Variants in COA7 observed in about 807,000 individuals in gnomAD.
COA7 encodes Sel1 repeat containing 1.
In COA7, 12 loss-of-function variants were observed where a neutral mutation model predicts 21.0. That is an observed-to-expected ratio of 0.57 (90% CI 0.37 to 0.92). The LOEUF (loss-of-function observed/expected upper bound fraction) is 0.92. Ranked by LOEUF, COA7 falls within the 40% of genes least tolerant of loss-of-function variation. The probability of loss-of-function intolerance (pLI) is 0.01; values close to 1 mark genes in which losing one functional copy is unlikely to be tolerated. For missense variants in COA7, 240 were observed against 286.1 expected (o/e 0.84, Z 1.16); for synonymous variants, 95 against 107.4 (o/e 0.88, Z 0.72).
At chr1:52,689,433 C>G (rs111981065) in intron 2 of COA7, among the ~76,000 whole-genome samples, 2,846 of 151,708 alleles carry the variant, frequency 0.019, 88 homozygotes, top group African/African-American at 0.066. Flanking sequence ...GGATTACAGG[C>G]GTGAGCCACT....
In COA7 at chr1:52,687,491, C is replaced by T; in HGVS notation, c.*229G>A. 1 of 545,562 alleles carries T rather than the reference C, an allele frequency of 1.8e-6. No individual in the cohort carries two copies. The allele number at this position is 545,562 out of a possible 1,614,324, so 33.8% of individuals were successfully genotyped here. ...GAACATCCAGATGAAGGAATATTGA[C>T]TGTAATAAACATTGTACAGAACACC... is the stretch of plus-strand genomic sequence containing the variant. On this transcript the variant is annotated 3_prime_UTR_variant, in exon 3 of 3. Transcript: ENST00000371538.
At chr1:52,692,578 T>A in intron 2 of COA7, 149 bp downstream of exon 2, 1 of 856,302 alleles carries the variant, frequency 1.2e-6, no homozygotes, top group Non-Finnish European at 1.8e-6. Flanking sequence ...CTTCCCCCCA[T>A]CACTCTGCTG....
In COA7 at chr1:52,698,040, C is replaced by T. The variant is rs1478194596; in HGVS notation, c.106+181G>A. On this transcript the variant is annotated intron_variant, in intron 1 of 2. Coordinates refer to ENST00000371538, the MANE Select transcript of COA7 (RefSeq NM_023077.3). ...CACGTCTCTTCCTACCCGCCCCGGC[C>T]TCCTGGCTCGGTCTTCCCGGGACAC... 1.7e-5 allele frequency: 10 copies of T among 583,386 alleles called. No homozygotes were observed. In the East Asian group the frequency reaches 1.8e-4, roughly 10 times the overall value. 36.1% of individuals were successfully genotyped at this position (583,386 alleles called of 1,614,324 possible).
intron 2 of COA7, among the ~76,000 whole-genome samples, chr1:52,690,886 G>A (rs866630538): frequency 1.3e-5 from 2 of 152,012 alleles, no homozygotes; most frequent in African/African-American, 2.4e-5. Flanking sequence ...AAGGCGGGTG[G>A]ATCGTTTGAG....
At chr1:52,690,040 GAAAA>G (rs756064845) in intron 2 of COA7, among the ~76,000 whole-genome samples, 7 of 67,246 alleles carry the variant, frequency 1.0e-4, no homozygotes, top group Admixed American at 7.0e-4. Context: ...AAAAAAAAAA[GAAAA>G]AAAAAAAAAA....
At chr1:52,691,087 A>C (rs2149904315) in intron 2 of COA7, among the ~76,000 whole-genome samples, 1 of 151,636 alleles carries the variant, frequency 6.6e-6, no homozygotes. Context: ...TGGGCGACAG[A>C]GTGGGACCCT....
rs1350844952 is a variant in COA7, at chr1:52,692,877, G to C, written c.107-10C>G. On this transcript the variant is annotated splice_polypyrimidine_tract_variant and intron_variant, in intron 1 of 2. Transcript: ENST00000371538. The stretch of plus-strand genomic sequence containing the variant: ...ACCAGCCGATAGCAACCTGCGAGAA[G>C]AGGGCAAGGGTTGTTCTTCATGTCT... The C allele has an allele frequency of 6.2e-7, 1 of 1,613,948 alleles. No individual in the cohort carries two copies. Among genetic ancestry groups the C allele is most frequent in the Non-Finnish European group, 8.5e-7 (1 of 1,180,012 alleles).
chr1:52,688,352 C>G (rs1267687475), intron 2 of COA7, among the ~76,000 whole-genome samples, 184 bp from the exon 3 acceptor site: 5 of 151,980 alleles, frequency 3.3e-5, no homozygotes, highest in Admixed American at 3.3e-4. Context: ...AGCAATCTTC[C>G]CATCTCAGCC....
chr1:52,692,792 T>A lies in COA7; in HGVS notation c.182A>T (p.Asn61Ile), dbSNP rs201316518. 7 of 1,614,114 alleles carry A rather than the reference T, an allele frequency of 4.3e-6. No homozygotes were observed. In the East Asian group the frequency reaches 1.3e-4, roughly 31 times the overall value. ...ATCACTGTGCTGGTTCTCTTCACAGTTAAACTTCAACACCTTGGCAGCCTC... is the reference window on the plus strand; with the variant it reads ...ATCACTGTGCTGGTTCTCTTCACAGATAAACTTCAACACCTTGGCAGCCTC... Reference protein sequence around the residue: ...FDEAAKVLKFNCEENQHSDSC... With the variant: ...FDEAAKVLKFICEENQHSDSC... Residue 61 changes from asparagine to isoleucine, a missense_variant, in exon 2 of 3, where the codon AAC becomes ATC. Asn to Ile is a moderately radical substitution (Grantham distance 149, BLOSUM62 -3). Transcript: ENST00000371538.
intron 1 of COA7, among the ~76,000 whole-genome samples, chr1:52,696,484 C>A (rs856721): frequency 0.35 from 53,725 of 151,530 alleles, 11,554 homozygotes; most frequent in Non-Finnish European, 0.49. Context: ...ACCCCAGGTT[C>A]TTTTCAAGCC....
rs753598964 is a variant in COA7 at position 52,687,670 on chromosome 1, G to A, written c.*50C>T. 2 of 1,561,554 alleles carry A rather than the reference G, an allele frequency of 1.3e-6. No individual in the cohort carries two copies. Among genetic ancestry groups the A allele is most frequent in the African/African-American group, 1.4e-5 (1 of 73,770 alleles). On this transcript the variant is annotated 3_prime_UTR_variant, in exon 3 of 3. Transcript: ENST00000371538. ...GGGCTGCATCAGTCTTCAGAAACAG[G>A]AGCTGCCAGCCTCAAGCAGTTTGTT...
chr1:52,693,673 G>A (rs1644063927), intron 1 of COA7, among the ~76,000 whole-genome samples: 1 of 151,454 alleles, frequency 6.6e-6, no homozygotes. Flanking sequence ...TTACTCCTCA[G>A]CCAGGGTAGG....
chr1:52,690,119 GA>G (rs2149904096), intron 2 of COA7, among the ~76,000 whole-genome samples: 1 of 151,812 alleles, frequency 6.6e-6, no homozygotes, highest in South Asian at 2.1e-4. Context: ...AGCAAGCAGG[GA>G]CCAGATCATG....
intron 1 of COA7, among the ~76,000 whole-genome samples, chr1:52,694,807 G>A (rs1342489202): frequency 6.6e-6 from 1 of 152,134 alleles, no homozygotes; most frequent in Non-Finnish European, 1.5e-5. Flanking sequence ...CCTGGCACAA[G>A]GAACAGTAAA....
intron 1 of COA7, 131 bp downstream of exon 1, chr1:52,698,090 C>T: frequency 1.4e-6 from 1 of 692,152 alleles, no homozygotes; most frequent in Non-Finnish European, 2.5e-6. Flanking sequence ...CACACGCGGT[C>T]ACCGCGATCC....
rs867811175 is a variant in COA7 at position 52,698,294 on chromosome 1, C to A, written c.33G>T (p.Glu11Asp). The A allele has an allele frequency of 6.2e-7, 1 of 1,612,602 alleles. No homozygotes were observed. The highest frequency in any genetic ancestry group is 8.5e-7 in the Non-Finnish European group (1 of 1,179,784). Residue 11 changes from glutamate (E) to aspartate (D), a missense_variant, in exon 1 of 3, where the codon GAG becomes GAT. Physicochemically the swap from Glu to Asp is conservative, Grantham distance 45 (BLOSUM62 2). Coordinates refer to ENST00000371538, the MANE Select transcript of COA7 (RefSeq NM_023077.3). MAGMVDFQDEEQVKSFLENME... is the reference protein window; with the variant it reads MAGMVDFQDEDQVKSFLENME... Reference sequence around the variant, plus strand: ...TGTTCTCCAAAAAGGACTTGACCTGCTCCTCATCCTGGAAGTCCACCATGC... The same window carrying A: ...TGTTCTCCAAAAAGGACTTGACCTGATCCTCATCCTGGAAGTCCACCATGC...
At chr1:52,689,460 A>AT (rs1263372346) in intron 2 of COA7, among the ~76,000 whole-genome samples, 3 of 150,532 alleles carry the variant, frequency 2.0e-5, no homozygotes, top group East Asian at 2.0e-4. Flanking sequence ...GGCCTATGAG[A>AT]TTTTTTTTGT....
chr1:52,694,424 C>T (rs911399725), intron 1 of COA7, among the ~76,000 whole-genome samples: 2 of 145,524 alleles, frequency 1.4e-5, no homozygotes, highest in African/African-American at 2.6e-5. Flanking sequence ...AGCGCCATTG[C>T]GCTCCAGCCT....
At chr1:52,694,329 C>T (rs554284547) in intron 1 of COA7, among the ~76,000 whole-genome samples, 309 of 152,122 alleles carry the variant, frequency 2.0e-3, no homozygotes, top group Non-Finnish European at 3.4e-3. Flanking sequence ...GGCATGGTGG[C>T]GCATGCCTAT....
Sources: gnomAD v4.1 joint callset for allele counts (sites outside exome capture counted in the v4.1 genomes callset) on GRCh38, gnomAD v4.1.1 for gene constraint, MANE v1.5 for transcripts, NCBI Gene and HGNC (gene_info 2026-07-23, HGNC 2026-07-21) for gene names.